Variants in SEMA5B observed in about 807,000 individuals in gnomAD.
SEMA5B encodes the protein semaphorin 5B, also known as semaphorin-5B.
A neutral mutation model predicts 135.0 loss-of-function variants in SEMA5B; 66 were observed. That is an observed-to-expected ratio of 0.49 (90% CI 0.40 to 0.60). SEMA5B has a LOEUF of 0.60. SEMA5B is among the 20% of genes least tolerant of loss of function. The pLI is 0.00. For synonymous variants in SEMA5B, 690 were observed against 639.5 expected (o/e 1.08, Z -1.19); for missense variants, 1,501 against 1,566.3 (o/e 0.96, Z 0.70).
At chr3:122,972,643 G>A (rs190491318) in intron 1 of SEMA5B, among the ~76,000 whole-genome samples, 2 of 152,308 alleles carry the variant, frequency 1.3e-5, no homozygotes, top group South Asian at 2.1e-4. Flanking sequence ...CACCTGAGTC[G>A]GTAAGAGCTG....
At chr3:122,978,963 G>A (rs2107673326) in intron 1 of SEMA5B, among the ~76,000 whole-genome samples, 1 of 152,222 alleles carries the variant, frequency 6.6e-6, no homozygotes, top group African/African-American at 2.4e-5. Context: ...TCCTGCCCAG[G>A]TCTTGCTTGG....
At chr3:123,010,739 G>T (rs551687905) in intron 1 of SEMA5B, among the ~76,000 whole-genome samples, 1 of 151,412 alleles carries the variant, frequency 6.6e-6, no homozygotes, top group Admixed American at 6.6e-5. Flanking sequence ...GAACCCGGGA[G>T]GTGGAGGTTG....
At chr3:122,960,360 A>T (rs1462269852) in intron 2 of SEMA5B, among the ~76,000 whole-genome samples, 1 of 152,246 alleles carries the variant, frequency 6.6e-6, no homozygotes, top group East Asian at 1.9e-4. Context: ...GAAAATAGTT[A>T]AAATGAGTTG....
At chr3:122,954,571 A>G (rs909051481) in intron 2 of SEMA5B, among the ~76,000 whole-genome samples, 2 of 152,170 alleles carry the variant, frequency 1.3e-5, no homozygotes, top group East Asian at 1.9e-4. Context: ...GAGGTGGCCC[A>G]TGAGATGAAT....
At chr3:123,001,741 C>T (rs1942180132) in intron 1 of SEMA5B, among the ~76,000 whole-genome samples, 1 of 152,162 alleles carries the variant, frequency 6.6e-6, no homozygotes, top group Non-Finnish European at 1.5e-5. Flanking sequence ...AGTAGCCAGG[C>T]AAGGTACTTA....
At chr3:122,925,648 C>T (rs950470017) in intron 9 of SEMA5B, among the ~76,000 whole-genome samples, 4 of 150,690 alleles carry the variant, frequency 2.7e-5, no homozygotes, top group East Asian at 1.9e-4. Flanking sequence ...CCAGCCTGGG[C>T]GACAGAGCAA....
At chr3:122,989,940 G>C (rs897379991) in intron 1 of SEMA5B, among the ~76,000 whole-genome samples, 1 of 152,194 alleles carries the variant, frequency 6.6e-6, no homozygotes, top group African/African-American at 2.4e-5. Flanking sequence ...GCTGTGGCTT[G>C]TCTGGGGTGA....
At chr3:122,982,012 A>G (rs1437039088) in intron 1 of SEMA5B, among the ~76,000 whole-genome samples, 3 of 152,172 alleles carry the variant, frequency 2.0e-5, no homozygotes, top group Non-Finnish European at 4.4e-5. Flanking sequence ...AGAGGCTGGG[A>G]CCGTACAGTG....
chr3:123,004,382 G>A (rs953572216), intron 1 of SEMA5B, among the ~76,000 whole-genome samples: 10 of 152,220 alleles, frequency 6.6e-5, no homozygotes, highest in South Asian at 2.1e-4. Context: ...GCCATTTGGC[G>A]TAAGCAAATT....
At chr3:123,011,468 AG>A (rs1193385283) in intron 1 of SEMA5B, among the ~76,000 whole-genome samples, 1 of 152,228 alleles carries the variant, frequency 6.6e-6, no homozygotes, top group Non-Finnish European at 1.5e-5. Flanking sequence ...GCATATGGAA[AG>A]ATCTGAGATG....
intron 12 of SEMA5B, among the ~76,000 whole-genome samples, chr3:122,919,018 T>A (rs1302531433): frequency 1.9e-5 from 2 of 105,788 alleles, no homozygotes; most frequent in Non-Finnish European, 4.2e-5. Context: ...TTTTTTTTTT[T>A]ACTGCAATGT....
chr3:122,922,005 A>C lies in SEMA5B; in HGVS notation c.1598T>G (p.Ile533Ser), dbSNP rs760147637. The C allele has an allele frequency of 3.9e-5, 59 of 1,529,528 alleles. No individual in the cohort carries two copies. Among genetic ancestry groups the C allele is most frequent in the Non-Finnish European group, 4.5e-5 (51 of 1,141,002 alleles). The allele number at this position is 1,529,528 out of a possible 1,614,324, so 94.7% of individuals were successfully genotyped here. A position where few individuals can be genotyped will look rare whatever the true frequency, so the allele number is the denominator to read the frequency against. ...GRREPLRSLR[I>S]LHSARALFVG... ...GAAGAGCGCGCGGGCGCTGTGCAGGATGCGCAGGCTGCGCAGGGGCTCGCG... is the reference window on the plus strand; with the variant it reads ...GAAGAGCGCGCGGGCGCTGTGCAGGCTGCGCAGGCTGCGCAGGGGCTCGCG... The change falls in exon 12 of 23, where the codon ATC (isoleucine) becomes AGC (serine). Residue 533 changes from isoleucine (I) to serine (S), a missense_variant. Transcript: ENST00000357599.
Position 122,926,395 on chromosome 3 carries a change from T to C in SEMA5B, c.1133A>G (p.Asn378Ser). ...QDLIYGVFTT[N>S]VNSIAASAVC... ...GCTGGCAGAGGGCAGGACTCACACG[T>C]TGGTTGTGAAAACTCCATAGATGAG... The change falls in exon 9 of 23, where the codon AAC becomes AGC. Residue 378 changes from asparagine (N) to serine (S), a missense_variant. This residue lies in a region of SEMA5B where 574 missense variants were observed against 684.7 expected (regional missense o/e 0.84). Coordinates refer to ENST00000357599, the MANE Select transcript of SEMA5B (RefSeq NM_001031702.4). 1 of 1,610,194 alleles carries C rather than the reference T, an allele frequency of 6.2e-7. No homozygotes were observed. Among genetic ancestry groups the C allele is most frequent in the Non-Finnish European group, 8.5e-7 (1 of 1,177,080 alleles).
intron 8 of SEMA5B, among the ~76,000 whole-genome samples, chr3:122,927,431 G>T (rs1432705212): frequency 6.6e-6 from 1 of 152,164 alleles, no homozygotes; most frequent in African/African-American, 2.4e-5. Context: ...GGCCTCAAGA[G>T]ATGTTCCTGC....
At position 122,922,424 on chromosome 3, in the gene SEMA5B, A is replaced by T. The variant is rs372377882; in HGVS notation, c.1296T>A (p.Gly432=). ...TGCGCTCCGTCAGGTTCTCGTTGGGACCGGTCTCAGGCAGGGTGCCACACT... is the reference window on the plus strand; with the variant it reads ...TGCGCTCCGTCAGGTTCTCGTTGGGTCCGGTCTCAGGCAGGGTGCCACACT... ...NFQCGTLPET[G]PNENLTERSL... is the part of the protein sequence containing the mutation. The change falls in exon 11 of 23, where the codon GGT becomes GGA. Residue 432 remains glycine, a synonymous_variant. Coordinates refer to ENST00000357599, the MANE Select transcript of SEMA5B (RefSeq NM_001031702.4). The T allele has an allele frequency of 1.9e-6, 3 of 1,607,202 alleles. No homozygotes were observed. Among genetic ancestry groups the T allele is most frequent in the Non-Finnish European group, 1.7e-6 (2 of 1,177,658 alleles).
At chr3:122,948,455 CT>C in intron 3 of SEMA5B, 50 bp downstream of exon 3, 1 of 1,511,242 alleles carries the variant, frequency 6.6e-7, no homozygotes. Context: ...GACCTAAGTC[CT>C]TCAGGACACG....
rs545361874 is a variant in SEMA5B, at chr3:122,972,704, C to T, written c.-38-11403G>A. On this transcript the variant is annotated intron_variant, in intron 1 of 22. Transcript: ENST00000357599. ...TAGGTGACCAGCAGAAAGGTAGTGT[C>T]AGGAATCATGCAAATCCCCTTCATG... 2.0e-5 allele frequency among the ~76,000 whole-genome samples: 3 copies of T among 152,268 alleles called. No individual in the cohort carries two copies. The Middle Eastern group carries it at 0.01, about 518-fold the overall frequency.
At chr3:122,991,385 A>T (rs1318482181) in intron 1 of SEMA5B, among the ~76,000 whole-genome samples, 1 of 152,216 alleles carries the variant, frequency 6.6e-6, no homozygotes, top group African/African-American at 2.4e-5. Flanking sequence ...AACCTGAACC[A>T]GTAGTTCTCA....
intron 12 of SEMA5B, among the ~76,000 whole-genome samples, chr3:122,918,993 CTTTTTTTTTTTTT>C (rs63373262): frequency 1.2e-5 from 1 of 80,362 alleles, no homozygotes; most frequent in African/African-American, 4.1e-5. Context: ...ATCACCATGT[CTTTTTTTTTTTTT>C]TTTTTTTTTT....
Sources: gnomAD v4.1 joint callset for allele counts (sites outside exome capture counted in the v4.1 genomes callset) on GRCh38, gnomAD v4.1.1 for gene constraint, gnomAD v4.1.1 regional missense constraint, MANE v1.5 for transcripts, NCBI Gene and HGNC (gene_info 2026-07-23, HGNC 2026-07-21) for gene names.